CDK14: variants seen among roughly 807,000 people sequenced by gnomAD.
CDK14 encodes cyclin-dependent kinase 14.
In CDK14, 34 loss-of-function variants were observed where a neutral mutation model predicts 60.7. The observed-to-expected ratio is 0.56, with a 90% CI of 0.43 to 0.75. CDK14 has a LOEUF of 0.75. CDK14 is among the 30% of genes least tolerant of loss of function. CDK14 has a pLI of 0.00. For missense variants in CDK14, 482 were observed against 564.1 expected, an observed-to-expected ratio of 0.85 and a Z score of 1.47; for synonymous variants, 197 against 203.7, an observed-to-expected ratio of 0.97 and a Z score of 0.28.
At chr7:90,929,353 T>A (rs1329033935) in intron 8 of CDK14, among the ~76,000 whole-genome samples, 1 of 152,240 alleles carries the variant, frequency 6.6e-6, no homozygotes, top group Non-Finnish European at 1.5e-5. Flanking sequence ...CTCTGGAACC[T>A]GTTTTAAATG....
chr7:90,622,611 T>A (rs948789114), intron 2 of CDK14, among the ~76,000 whole-genome samples: 2 of 152,202 alleles, frequency 1.3e-5, no homozygotes, highest in Non-Finnish European at 2.9e-5. Flanking sequence ...GTGCATTGGA[T>A]TTTTATCTGG....
intron 2 of CDK14, among the ~76,000 whole-genome samples, chr7:90,624,167 G>A (rs549695217): frequency 6.6e-6 from 1 of 152,120 alleles, no homozygotes; most frequent in African/African-American, 2.4e-5. Flanking sequence ...ACAGTCTTCT[G>A]TTCTCACAGT....
intron 14 of CDK14, among the ~76,000 whole-genome samples, chr7:91,184,204 T>TCAAAAAAAAAAAA (rs1802096809): frequency 2.7e-5 from 1 of 36,678 alleles, no homozygotes; most frequent in Non-Finnish European, 4.4e-5. Flanking sequence ...GGCTCCGTCT[T>TCAAAAAAAAAAAA]AAAAAAAAAA....
chr7:90,731,166 A>G (rs1273623975), intron 3 of CDK14, among the ~76,000 whole-genome samples: 1 of 152,032 alleles, frequency 6.6e-6, no homozygotes, highest in African/African-American at 2.4e-5. Context: ...ATGGTTGTAG[A>G]TGTGTGGTGT....
At chr7:90,721,704 T>G (rs1802462056) in intron 2 of CDK14, among the ~76,000 whole-genome samples, 1 of 152,198 alleles carries the variant, frequency 6.6e-6, no homozygotes, top group Non-Finnish European at 1.5e-5. Context: ...CACATGAAAG[T>G]TAGTAGTGGA....
chr7:90,673,912 C>T, intron 2 of CDK14, among the ~76,000 whole-genome samples: 1 of 152,158 alleles, frequency 6.6e-6, no homozygotes, highest in South Asian at 2.1e-4. Context: ...TATCAAGGAC[C>T]TAATAAGCTG....
At chr7:90,801,373 CATTT>C (rs1788626056) in intron 5 of CDK14, among the ~76,000 whole-genome samples, 1 of 151,884 alleles carries the variant, frequency 6.6e-6, no homozygotes, top group South Asian at 2.1e-4. Flanking sequence ...TATTGTTATT[CATTT>C]ATTTTTGTTT....
intron 4 of CDK14, among the ~76,000 whole-genome samples, chr7:90,768,852 A>G (rs1804672246): frequency 6.6e-6 from 1 of 152,214 alleles, no homozygotes; most frequent in South Asian, 2.1e-4. Flanking sequence ...ATAAAATGAA[A>G]GGTAATCCTA....
At chr7:90,915,209 G>C (rs966913991) in intron 7 of CDK14, among the ~76,000 whole-genome samples, 29 of 152,108 alleles carry the variant, frequency 1.9e-4, no homozygotes, top group African/African-American at 6.8e-4. Context: ...GGCTGAGGCG[G>C]GCAGATCATG....
chr7:90,607,746 T>G (rs1799447742), intron 2 of CDK14, among the ~76,000 whole-genome samples: 1 of 152,204 alleles, frequency 6.6e-6, no homozygotes, highest in African/African-American at 2.4e-5. Context: ...CGGTCATAGT[T>G]GGAGAGGGGA....
rs528611765 is a variant in CDK14, at chr7:90,874,442, A to G, written c.639+11173A>G. On this transcript the variant is annotated intron_variant, in intron 6 of 14. Coordinates refer to ENST00000380050, the MANE Select transcript of CDK14 (RefSeq NM_001287135.2). The stretch of plus-strand genomic sequence containing the variant: ...TTATGATAAAGTGAAAAAGAAACCA[A>G]GGTTCAGCTTTATGCTCATTGGGTG... 1.4e-4 allele frequency among the ~76,000 whole-genome samples: 21 copies of G among 148,512 alleles called. 1 individual carries two copies. In the South Asian group the frequency reaches 3.9e-3, roughly 27 times the overall value.
intron 4 of CDK14, 62 bp from the exon 5 acceptor site, chr7:90,790,511 G>A: frequency 9.7e-7 from 1 of 1,033,178 alleles, no homozygotes; most frequent in Admixed American, 2.3e-5. Context: ...TTATAAGGAA[G>A]ACAATTAGAA....
At chr7:91,025,128 GT>G (rs1370622893) in intron 10 of CDK14, among the ~76,000 whole-genome samples, 1 of 152,116 alleles carries the variant, frequency 6.6e-6, no homozygotes, top group Non-Finnish European at 1.5e-5. Context: ...ATTTTGAAGT[GT>G]TTGTTTCTAA....
chr7:90,860,525 CTT>C (rs1240085824), intron 5 of CDK14, among the ~76,000 whole-genome samples: 20 of 129,284 alleles, frequency 1.5e-4, no homozygotes, highest in Admixed American at 1.6e-4. Flanking sequence ...TGTCTCATTC[CTT>C]TTTTTTTTTT....
chr7:91,080,693 A>G (rs915568678), intron 12 of CDK14, among the ~76,000 whole-genome samples: 1 of 152,194 alleles, frequency 6.6e-6, no homozygotes, highest in Non-Finnish European at 1.5e-5. Context: ...ATGATCAAAC[A>G]CATTCCTCTC....
intron 14 of CDK14, among the ~76,000 whole-genome samples, chr7:91,173,440 A>AAGC (rs1554444750): frequency 4.0e-5 from 6 of 149,312 alleles, no homozygotes; most frequent in East Asian, 2.0e-4. Context: ...AAAAAAAAAA[A>AAGC]GGTGGGGAGG....
chr7:91,001,273 G>A (rs1191939065), intron 10 of CDK14, among the ~76,000 whole-genome samples: 1 of 152,130 alleles, frequency 6.6e-6, no homozygotes, highest in Non-Finnish European at 1.5e-5. Context: ...AGAATTTGAA[G>A]ACATATTGAT....
At chr7:90,971,267 G>A (rs1470111792) in intron 9 of CDK14, among the ~76,000 whole-genome samples, 3 of 151,934 alleles carry the variant, frequency 2.0e-5, no homozygotes, top group Non-Finnish European at 4.4e-5. Flanking sequence ...TGCCTTCAAG[G>A]TCACAGGGAA....
At chr7:90,604,598 C>T (rs909035849) in intron 2 of CDK14, among the ~76,000 whole-genome samples, 2 of 152,154 alleles carry the variant, frequency 1.3e-5, no homozygotes, top group African/African-American at 4.8e-5. Context: ...CACCATGGCT[C>T]ACCATGGCTC....
Sources: allele counts gnomAD v4.1 joint callset (sites outside exome capture counted in the v4.1 genomes callset), GRCh38; gene constraint gnomAD v4.1.1; transcripts MANE v1.5; gene names NCBI Gene and HGNC (gene_info 2026-07-23, HGNC 2026-07-21).